Variants in DIAPH3 observed in about 807,000 individuals in gnomAD.
DIAPH3 encodes protein diaphanous homolog 3.
DIAPH3 carries 117 observed loss-of-function variants against 144.3 expected under a neutral mutation model. The observed-to-expected ratio is 0.81, with a 90% CI of 0.70 to 0.95. The LOEUF (loss-of-function observed/expected upper bound fraction) is 0.95. Ranked by LOEUF, DIAPH3 falls within the 40% of genes least tolerant of loss-of-function variation. The pLI is 0.00. For synonymous variants in DIAPH3, 519 were observed against 488.9 expected (o/e 1.06, Z -0.81); for missense variants, 1,421 against 1,412.7 (o/e 1.01, Z -0.09).
chr13:59,999,421 C>T (rs139226052), intron 9 of DIAPH3, among the ~76,000 whole-genome samples: 1 of 152,046 alleles, frequency 6.6e-6, no homozygotes, highest in African/African-American at 2.4e-5. Flanking sequence ...TTAATGAAAT[C>T]CACAGATTGA....
intron 27 of DIAPH3, among the ~76,000 whole-genome samples, chr13:59,689,148 A>G (rs1437478857): frequency 1.3e-5 from 2 of 152,146 alleles, no homozygotes; most frequent in African/African-American, 4.8e-5. Flanking sequence ...CTGCTGCAAG[A>G]AAGTCTCCTG....
rs190875676 is a variant in DIAPH3, at chr13:59,954,926, C to T, written c.2074+15018G>A. Reference sequence around the variant, plus strand: ...GATCCAATCACCTCCCACTAGGTCCCATCTCCAACACCAGAAATTACAATT... The same window carrying T: ...GATCCAATCACCTCCCACTAGGTCCTATCTCCAACACCAGAAATTACAATT... On this transcript the variant is annotated intron_variant, in intron 17 of 27. Coordinates refer to ENST00000400324, the MANE Select transcript of DIAPH3 (RefSeq NM_001042517.2). 3.9e-5 allele frequency among the ~76,000 whole-genome samples: 6 copies of T among 152,120 alleles called. No homozygotes were observed. In the East Asian group the frequency reaches 1.2e-3, roughly 29 times the overall value.
intron 18 of DIAPH3, among the ~76,000 whole-genome samples, chr13:59,922,902 T>C (rs1003485515): frequency 7.9e-5 from 12 of 152,104 alleles, no homozygotes; most frequent in African/African-American, 2.9e-4. Context: ...TTAAACTATA[T>C]AAACATTAAA....
intron 27 of DIAPH3, among the ~76,000 whole-genome samples, chr13:59,699,865 C>T (rs908228775): frequency 6.6e-6 from 1 of 152,200 alleles, no homozygotes; most frequent in Admixed American, 6.5e-5. Context: ...TCCAACCGCA[C>T]ACACACTCTC....
chr13:60,159,354 G>A (rs775542696), intron 1 of DIAPH3, among the ~76,000 whole-genome samples: 4 of 152,266 alleles, frequency 2.6e-5, no homozygotes, highest in East Asian at 3.9e-4. Context: ...GGCCAGGTGC[G>A]ATGGCTCACG....
Position 59,866,197 on chromosome 13 carries a change from C to T in DIAPH3, c.2608-4661G>A, listed in dbSNP as rs56174701. On this transcript the variant is annotated intron_variant, in intron 21 of 27. Coordinates refer to ENST00000400324, the MANE Select transcript of DIAPH3 (RefSeq NM_001042517.2). Reference sequence around the variant, plus strand: ...GTACTTACCATGAGACAGACATTAGCCAAATAATATAACACATGTTAAGTG... The same window carrying T: ...GTACTTACCATGAGACAGACATTAGTCAAATAATATAACACATGTTAAGTG... 8.6e-3 allele frequency among the ~76,000 whole-genome samples: 1,303 copies of T among 151,952 alleles called. 23 individuals are homozygous for T. The highest frequency in any genetic ancestry group is 0.03 in the African/African-American group (1,232 of 41,514).
In DIAPH3 at chr13:59,861,536, G is replaced by C. The variant is rs1260304607; in HGVS notation, c.2608C>G (p.Leu870Val). 3 of 1,613,452 alleles carry C rather than the reference G, an allele frequency of 1.9e-6. No homozygotes were observed. The highest frequency in any genetic ancestry group is 2.5e-6 in the Non-Finnish European group (3 of 1,179,800). The part of the protein sequence containing the change: ...FGFNLSSLCK[L>V]KDTKSADQKT... The stretch of plus-strand genomic sequence containing the variant: ...TGATCTGCTGATTTTGTGTCCTTTA[G>C]CTAAATAGAACAGGAGGGAGAAAAA... The change falls in exon 22 of 28, where the codon CTA (leucine) becomes GTA (valine). Residue 870 changes from leucine (L) to valine (V), a missense_variant and splice_region_variant. Physicochemically the swap from Leu to Val is conservative, Grantham distance 32 (BLOSUM62 1). Coordinates refer to ENST00000400324, the MANE Select transcript of DIAPH3 (RefSeq NM_001042517.2).
intron 20 of DIAPH3, among the ~76,000 whole-genome samples, chr13:59,907,145 A>C (rs1024823796): frequency 2.0e-5 from 3 of 152,242 alleles, no homozygotes; most frequent in African/African-American, 7.2e-5. Context: ...CTAGTGATAG[A>C]AAATTAAGCT....
intron 21 of DIAPH3, among the ~76,000 whole-genome samples, chr13:59,877,325 C>T (rs1347279178): frequency 2.0e-5 from 3 of 152,040 alleles, no homozygotes; most frequent in Non-Finnish European, 4.4e-5. Context: ...ACCATCTTTC[C>T]TATTACCTTC....
At chr13:59,820,427 T>G (rs1412523411) in intron 24 of DIAPH3, among the ~76,000 whole-genome samples, 1 of 151,976 alleles carries the variant, frequency 6.6e-6, no homozygotes, top group Admixed American at 6.6e-5. Context: ...GTTTTTAATA[T>G]TCTAAATCTA....
At chr13:60,081,421 G>A (rs562019884) in intron 4 of DIAPH3, among the ~76,000 whole-genome samples, 21 of 152,062 alleles carry the variant, frequency 1.4e-4, no homozygotes, top group Middle Eastern at 3.4e-3. Flanking sequence ...TTAGGGCAGC[G>A]GGGGTGCTAA....
chr13:59,967,159 C>A (rs901339980), intron 17 of DIAPH3, among the ~76,000 whole-genome samples: 6 of 152,050 alleles, frequency 3.9e-5, no homozygotes, highest in African/African-American at 4.8e-5. Context: ...CTCTGCCTCC[C>A]AGGTTCAAGC....
chr13:60,149,330 G>A (rs1951676143), intron 1 of DIAPH3, among the ~76,000 whole-genome samples: 1 of 152,192 alleles, frequency 6.6e-6, no homozygotes, highest in African/African-American at 2.4e-5. Flanking sequence ...AACTTTCTCT[G>A]AAAAAGGTAT....
chr13:60,161,487 G>A (rs1380699050), intron 1 of DIAPH3, among the ~76,000 whole-genome samples: 2 of 152,204 alleles, frequency 1.3e-5, no homozygotes, highest in East Asian at 1.9e-4. Flanking sequence ...CAGGAACAGA[G>A]TAGAGCTGTG....
At chr13:60,102,184 C>T (rs1324125907) in intron 3 of DIAPH3, among the ~76,000 whole-genome samples, 2 of 152,112 alleles carry the variant, frequency 1.3e-5, no homozygotes, top group Non-Finnish European at 2.9e-5. Flanking sequence ...CCTTTTCCTC[C>T]CACCTCAAGA....
In DIAPH3 at chr13:59,979,923, T is replaced by C. The variant is rs192645741; in HGVS notation, c.1545+872A>G. ...GATTGACTATTTAAAATGCAAAGAA[T>C]TGGAATAACAAATTAAAAGTCTAAT... On this transcript the variant is annotated intron_variant, in intron 14 of 27. Coordinates refer to ENST00000400324, the MANE Select transcript of DIAPH3 (RefSeq NM_001042517.2). Among the ~76,000 whole-genome samples the C allele has an allele frequency of 3.0e-3, 459 of 151,692 alleles. 2 individuals are homozygous for C. The highest frequency in any genetic ancestry group is 9.7e-3 in the African/African-American group (403 of 41,480).
chr13:59,946,072 A>G (rs2048779776), intron 17 of DIAPH3, among the ~76,000 whole-genome samples: 1 of 152,124 alleles, frequency 6.6e-6, no homozygotes, highest in Admixed American at 6.6e-5. Flanking sequence ...AATAACCCAA[A>G]TATGTCAAAT....
chr13:59,991,214 T>A lies in DIAPH3; in HGVS notation c.1305A>T (p.Gly435=), dbSNP rs1468959624. 2.5e-6 allele frequency: 4 copies of A among 1,611,402 alleles called. No individual in the cohort carries two copies. The East Asian group carries it at 8.9e-5, about 36-fold the overall frequency. The change falls in exon 12 of 28, where the codon GGA becomes GGT. Residue 435 remains glycine, a synonymous_variant. Coordinates refer to ENST00000400324, the MANE Select transcript of DIAPH3 (RefSeq NM_001042517.2). ...GATGCTGAAGAATAGAAATAAAATA[T>A]CCCTCTGCTCTAGTTTCTTTAACTG... ...WSTVKETRAE[G]YFISILQHLL... is the part of the protein sequence containing the mutation.
intron 27 of DIAPH3, among the ~76,000 whole-genome samples, chr13:59,713,084 T>C (rs1201796193): frequency 6.6e-6 from 1 of 152,228 alleles, no homozygotes; most frequent in Non-Finnish European, 1.5e-5. Context: ...CACCTCCTGA[T>C]GTGCCACCCA....
Sources: gnomAD v4.1 joint callset for allele counts (sites outside exome capture counted in the v4.1 genomes callset) on GRCh38, gnomAD v4.1.1 for gene constraint, MANE v1.5 for transcripts, NCBI Gene and HGNC (gene_info 2026-07-23, HGNC 2026-07-21) for gene names.